SLC16A6: variants seen among roughly 807,000 people sequenced by gnomAD.
SLC16A6 encodes the protein monocarboxylate transporter 7.
SLC16A6 carries 15 observed loss-of-function variants against 33.8 expected under a neutral mutation model. That is an observed-to-expected ratio of 0.44 (90% CI 0.30 to 0.68). The LOEUF (loss-of-function observed/expected upper bound fraction) is 0.68, where lower values mean the gene tolerates loss of function less well. Among genes scored for constraint, SLC16A6 ranks in the 30% least tolerant of loss-of-function variants. SLC16A6 has a pLI of 0.10. For missense variants in SLC16A6, 451 were observed against 661.5 expected, an observed-to-expected ratio of 0.68 and a Z score of 3.49; for synonymous variants, 219 against 248.4, an observed-to-expected ratio of 0.88 and a Z score of 1.11.
At chr17:68,283,443 C>T (rs935530813) in intron 1 of SLC16A6, among the ~76,000 whole-genome samples, 21 of 151,550 alleles carry the variant, frequency 1.4e-4, no homozygotes, top group Admixed American at 3.9e-4. Flanking sequence ...ATGGCGTGAA[C>T]CCGGGAGGCG....
In SLC16A6 at chr17:68,271,681, A is replaced by G. The variant is rs190024933; in HGVS notation, c.506-27T>C. 34 of 1,584,484 alleles carry G rather than the reference A, an allele frequency of 2.1e-5. No homozygotes were observed. The East Asian group carries it at 7.2e-4, about 33-fold the overall frequency. On this transcript the variant is annotated intron_variant, in intron 4 of 5. Coordinates refer to ENST00000580666, the MANE Select transcript of SLC16A6 (RefSeq NM_004694.5). The surrounding 1 kb of genome is among the most constrained non-coding windows in gnomAD (Gnocchi z 5.3). The stretch of plus-strand genomic sequence containing the variant: ...TTGAATAGGCAGGAGTGAAGAAGAA[A>G]TAATATAAGGTCAATAATGGACTCA...
chr17:68,291,347 C>T (rs553782567), upstream of SLC16A6: 40 of 148,350 alleles, frequency 2.7e-4, no homozygotes, highest in African/African-American at 9.3e-4. Flanking sequence ...TGCGTGCTGC[C>T]GCCCGCGCCC....
chr17:68,278,491 C>T (rs980782253), intron 1 of SLC16A6, among the ~76,000 whole-genome samples, 164 bp from the exon 2 acceptor site: 2 of 152,104 alleles, frequency 1.3e-5, no homozygotes, highest in South Asian at 4.1e-4. Flanking sequence ...GCTCTGTCAT[C>T]CAGGCTAGAG....
At chr17:68,286,708 T>A (rs1352221195) in intron 1 of SLC16A6, among the ~76,000 whole-genome samples, 2 of 152,156 alleles carry the variant, frequency 1.3e-5, no homozygotes, top group Non-Finnish European at 1.5e-5. Context: ...TTTCAGTATG[T>A]TAGCTAGGCT....
chr17:68,275,711 G>T (rs1184454009), intron 2 of SLC16A6, among the ~76,000 whole-genome samples: 1 of 152,128 alleles, frequency 6.6e-6, no homozygotes, highest in Non-Finnish European at 1.5e-5. Flanking sequence ...GCTGGGTGCG[G>T]TGGCTTACAC....
At chr17:68,280,207 T>C (rs1024784761) in intron 1 of SLC16A6, among the ~76,000 whole-genome samples, 23 of 148,066 alleles carry the variant, frequency 1.6e-4, no homozygotes, top group African/African-American at 5.7e-4. Flanking sequence ...AAAAGAATTA[T>C]TTATATATGA....
chr17:68,274,172 G>T (rs1161563780), intron 2 of SLC16A6, 102 bp from the exon 3 acceptor site: 2 of 1,304,476 alleles, frequency 1.5e-6, no homozygotes, highest in Admixed American at 2.1e-5. Flanking sequence ...AGATGATGTC[G>T]AATATAAATA....
At chr17:68,282,020 T>C (rs2145115655) in intron 1 of SLC16A6, among the ~76,000 whole-genome samples, 1 of 152,350 alleles carries the variant, frequency 6.6e-6, no homozygotes, top group Non-Finnish European at 1.5e-5. Flanking sequence ...CAAAGGATTA[T>C]AAATCATGCT....
At chr17:68,277,694 T>C (rs1555751440) in intron 2 of SLC16A6, among the ~76,000 whole-genome samples, 1 of 152,070 alleles carries the variant, frequency 6.6e-6, no homozygotes, top group Non-Finnish European at 1.5e-5. Flanking sequence ...CCTCTCAAAG[T>C]GCTTACAGGT....
intron 1 of SLC16A6, among the ~76,000 whole-genome samples, chr17:68,281,512 T>C (rs550587343): frequency 1.5e-3 from 225 of 151,998 alleles, no homozygotes; most frequent in African/African-American, 5.2e-3. Context: ...GAGGTGGAGG[T>C]TGCAGTGAGC....
At chr17:68,272,018 G>T (rs1220311440) in intron 4 of SLC16A6, among the ~76,000 whole-genome samples, 2 of 152,096 alleles carry the variant, frequency 1.3e-5, no homozygotes, top group African/African-American at 2.4e-5. Context: ...GGCCAGGATG[G>T]TCTCGATCTC....
chr17:68,272,510 G>A, intron 4 of SLC16A6, 129 bp downstream of exon 4: 1 of 1,078,120 alleles, frequency 9.3e-7, no homozygotes. Flanking sequence ...CTGGAGAAGA[G>A]ACGTAAATAA....
intron 5 of SLC16A6, among the ~76,000 whole-genome samples, chr17:68,270,172 ATTAGTTCTATCAT>A (rs1290957449): frequency 6.6e-6 from 1 of 152,226 alleles, no homozygotes; most frequent in South Asian, 2.1e-4. Flanking sequence ...ACAGAAGTCC[ATTAGTTCTATCAT>A]TCCAAAAGTC....
At chr17:68,287,130 T>A (rs1327497344) in intron 1 of SLC16A6, among the ~76,000 whole-genome samples, 3 of 152,122 alleles carry the variant, frequency 2.0e-5, no homozygotes, top group African/African-American at 7.2e-5. Flanking sequence ...ATTACAGGCA[T>A]GCGCCACCAT....
At chr17:68,287,826 T>C (rs1467383851) in intron 1 of SLC16A6, among the ~76,000 whole-genome samples, 1 of 152,176 alleles carries the variant, frequency 6.6e-6, no homozygotes, top group Non-Finnish European at 1.5e-5. Context: ...TTAAGTAAAG[T>C]CATGCACAGG....
At chr17:68,280,720 TG>T (rs1325982730) in intron 1 of SLC16A6, among the ~76,000 whole-genome samples, 1 of 152,176 alleles carries the variant, frequency 6.6e-6, no homozygotes, top group Non-Finnish European at 1.5e-5. Flanking sequence ...TTAGGACATT[TG>T]TCTGAGGAAA....
At chr17:68,273,065 T>A (rs73998070) in intron 3 of SLC16A6, among the ~76,000 whole-genome samples, 2,320 of 152,100 alleles carry the variant, frequency 0.015, 59 homozygotes, top group African/African-American at 0.054. Flanking sequence ...TGCATGAAAT[T>A]TTATATAAGA....
Position 68,268,912 on chromosome 17 carries a change from A to AT in SLC16A6, c.*183_*184insA, listed in dbSNP as rs782169981. On this transcript the variant is annotated 3_prime_UTR_variant, in exon 6 of 6. Transcript: ENST00000580666. The stretch of plus-strand genomic sequence containing the variant: ...GCTTTAAAAACAAGCAAAAAAAAAA[A>AT]GCTTAAAACAAAACAAAACAAAACA... The AT allele has an allele frequency of 3.7e-4, 509 of 1,369,216 alleles. No individual in the cohort carries two copies. Among genetic ancestry groups the AT allele is most frequent in the Non-Finnish European group, 4.8e-4 (494 of 1,019,140 alleles). The allele number at this position is 1,369,216 out of a possible 1,614,324, so 84.8% of individuals were successfully genotyped here. A position where few individuals can be genotyped will look rare whatever the true frequency, so the allele number is the denominator to read the frequency against.
chr17:68,291,399 C>T (rs2075982994), upstream of SLC16A6: 1 of 150,018 alleles, frequency 6.7e-6, no homozygotes, highest in Non-Finnish European at 1.5e-5. Flanking sequence ...ATACCGGCTG[C>T]AGCCGGTCTC....
Sources: gnomAD v4.1 joint callset for allele counts (sites outside exome capture counted in the v4.1 genomes callset) on GRCh38, gnomAD v4.1.1 for gene constraint, Gnocchi (gnomAD v3.1) non-coding constraint, MANE v1.5 for transcripts, NCBI Gene and HGNC (gene_info 2026-07-23, HGNC 2026-07-21) for gene names.